Variants in LRRIQ1 observed in about 807,000 individuals in gnomAD.
LRRIQ1 encodes leucine rich repeats and IQ motif containing 1, also known as leucine-rich repeat- and IQ domain-containing protein 1.
In LRRIQ1, 210 loss-of-function variants were observed where a neutral mutation model predicts 211.9. The ratio of observed to expected loss-of-function variants is 0.99; its 90% CI spans 0.89 to 1.11. The LOEUF (loss-of-function observed/expected upper bound fraction) is 1.11, where lower values mean the gene tolerates loss of function less well. Ranked by LOEUF, LRRIQ1 falls within the 50% of genes most tolerant of loss-of-function variation. The pLI is 0.00. For missense variants in LRRIQ1, 2,136 were observed against 1,939.5 expected (o/e 1.10, Z -1.90); for synonymous variants, 699 against 650.1 (o/e 1.08, Z -1.14).
chr12:85,124,527 A>T lies in LRRIQ1; in HGVS notation c.4007+8A>T. 6.3e-7 allele frequency: 1 copy of T among 1,584,122 alleles called. No individual in the cohort carries two copies. The stretch of plus-strand genomic sequence containing the variant: ...TGAGCCTAGTGAAAAAATGTAAGAT[A>T]TATAAATAATGTTTCTTTTATAGAT... On this transcript the variant is annotated splice_region_variant and intron_variant, in intron 17 of 26. Transcript: ENST00000393217.
At chr12:85,053,024 T>G (rs976451752) in intron 7 of LRRIQ1, among the ~76,000 whole-genome samples, 7 of 151,972 alleles carry the variant, frequency 4.6e-5, no homozygotes, top group African/African-American at 1.7e-4. Flanking sequence ...CATTCTAGAG[T>G]TTAAAAAATT....
chr12:85,133,630 T>C (rs1314946665), intron 18 of LRRIQ1, among the ~76,000 whole-genome samples: 3 of 152,070 alleles, frequency 2.0e-5, no homozygotes, highest in Admixed American at 2.0e-4. Context: ...AGTGGATATG[T>C]TTCAGGGTTT....
At chr12:85,098,668 T>A in intron 12 of LRRIQ1, 120 bp downstream of exon 12, 1 of 844,918 alleles carries the variant, frequency 1.2e-6, no homozygotes, top group Non-Finnish European at 1.8e-6. Context: ...CACCATGAAG[T>A]AACCTTTATC....
At chr12:85,106,495 C>T (rs570386048) in intron 14 of LRRIQ1, 27 bp from the exon 15 acceptor site, 1 of 1,473,342 alleles carries the variant, frequency 6.8e-7, no homozygotes, top group South Asian at 1.1e-5. Context: ...GTGATGATAC[C>T]TTTCAAAATG....
intron 10 of LRRIQ1, among the ~76,000 whole-genome samples, chr12:85,072,006 G>A (rs1883135171): frequency 1.3e-5 from 2 of 151,802 alleles, no homozygotes; most frequent in Admixed American, 6.6e-5. Flanking sequence ...TAGTTTCTTG[G>A]CTTTTTCTTT....
At chr12:85,247,575 G>T (rs556424182), downstream of LRRIQ1, among the ~76,000 whole-genome samples, 1 of 151,608 alleles carries the variant, frequency 6.6e-6, no homozygotes, top group South Asian at 2.1e-4. Context: ...TAAGTTTACT[G>T]TCTGTAAAAT....
chr12:85,230,221 T>G (rs2137184291), intron 25 of LRRIQ1, among the ~76,000 whole-genome samples: 1 of 152,348 alleles, frequency 6.6e-6, no homozygotes, highest in South Asian at 2.1e-4. Context: ...TTTGTTATAT[T>G]AATGTATGTA....
In LRRIQ1 at chr12:85,138,824, C is replaced by T. The variant is rs111353845; in HGVS notation, c.4329+855C>T. Among the ~76,000 whole-genome samples the T allele has an allele frequency of 3.2e-3, 483 of 151,482 alleles. 8 individuals are homozygous for T. The highest frequency in any genetic ancestry group is 0.011 in the African/African-American group (453 of 41,400). On this transcript the variant is annotated intron_variant, in intron 19 of 26. Coordinates refer to ENST00000393217, the MANE Select transcript of LRRIQ1 (RefSeq NM_001079910.2). ...TTTCTCTTTATTTTCTTTCATCTACCTATATGACCATCATTTTTCCAAAGT... is the reference window on the plus strand; with the variant it reads ...TTTCTCTTTATTTTCTTTCATCTACTTATATGACCATCATTTTTCCAAAGT...
intron 26 of LRRIQ1, chr12:85,233,121 T>C (rs1244839590): frequency 1.4e-5 from 3 of 218,782 alleles, no homozygotes; most frequent in South Asian, 6.9e-5. Flanking sequence ...ACTCAGAAAA[T>C]CCAACCATAT....
chr12:85,170,074 C>A (rs748616922), intron 24 of LRRIQ1, among the ~76,000 whole-genome samples: 1 of 151,916 alleles, frequency 6.6e-6, no homozygotes, highest in Non-Finnish European at 1.5e-5. Context: ...CAAACTATAA[C>A]TTTTAAAACG....
chr12:85,164,609 G>A (rs1225450390), intron 24 of LRRIQ1, among the ~76,000 whole-genome samples: 2 of 152,134 alleles, frequency 1.3e-5, no homozygotes, highest in African/African-American at 4.8e-5. Context: ...GTACTGTGCT[G>A]AGAGTTTTAC....
intron 24 of LRRIQ1, among the ~76,000 whole-genome samples, chr12:85,206,034 A>T (rs1357421317): frequency 2.0e-5 from 3 of 152,138 alleles, no homozygotes; most frequent in African/African-American, 7.2e-5. Context: ...TGGCCGCAAC[A>T]CTCTGAAGGA....
At chr12:85,160,912 T>G (rs969369299) in intron 24 of LRRIQ1, among the ~76,000 whole-genome samples, 198 bp downstream of exon 24, 1 of 152,048 alleles carries the variant, frequency 6.6e-6, no homozygotes, top group Non-Finnish European at 1.5e-5. Context: ...GATATAGTCA[T>G]TGAAAATTTG....
Position 85,172,198 on chromosome 12 carries a change from C to T in LRRIQ1, c.4822+11484C>T, listed in dbSNP as rs17012616. Among the ~76,000 whole-genome samples the T allele has an allele frequency of 0.017, 2,620 of 152,170 alleles. 169 individuals are homozygous for T. The East Asian group carries it at 0.21, about 12-fold the overall frequency. ...AGTAACTTTGGTGAAGTCCATGGCA[C>T]CCCTTTGTCCCTTGCCCCTTGTAAG... On this transcript the variant is annotated intron_variant, in intron 24 of 26. Transcript: ENST00000393217.
intron 24 of LRRIQ1, among the ~76,000 whole-genome samples, chr12:85,174,009 C>T (rs560173374): frequency 1.8e-4 from 27 of 152,102 alleles, no homozygotes; most frequent in South Asian, 1.7e-3. Context: ...GTAGGGTTTG[C>T]AGTTTCCTAT....
At chr12:85,068,030 G>A (rs1038200529) in intron 10 of LRRIQ1, among the ~76,000 whole-genome samples, 2 of 151,820 alleles carry the variant, frequency 1.3e-5, no homozygotes, top group Non-Finnish European at 2.9e-5. Flanking sequence ...AATAAAAATT[G>A]TATTATTCAC....
At chr12:85,256,302 C>G (rs1345688398) in intron 1 of LRRIQ1, among the ~76,000 whole-genome samples, 1 of 151,598 alleles carries the variant, frequency 6.6e-6, no homozygotes, top group Non-Finnish European at 1.5e-5. Flanking sequence ...CATGATGTTT[C>G]TAACTGTAAT....
Position 85,122,879 on chromosome 12 carries a change from A to G in LRRIQ1, c.3557+1003A>G, listed in dbSNP as rs12318173. ...ATATACAATTTTGTATGTAAAGGTG[A>G]CTCTTCACATTCCCTTGAAGTCCAA... is the stretch of plus-strand genomic sequence containing the variant. On this transcript the variant is annotated intron_variant, in intron 16 of 26. Transcript: ENST00000393217. Among the ~76,000 whole-genome samples, 1,154 of 152,084 alleles carry G rather than the reference A, an allele frequency of 7.6e-3. 19 individuals carry two copies. The highest frequency in any genetic ancestry group is 0.026 in the African/African-American group (1,087 of 41,524).
intron 13 of LRRIQ1, 110 bp downstream of exon 13, chr12:85,099,104 C>A: frequency 1.6e-6 from 1 of 614,016 alleles, no homozygotes; most frequent in South Asian, 4.3e-5. Context: ...AATGAGATTG[C>A]ATCAAAATAA....
Sources: allele counts gnomAD v4.1 joint callset (sites outside exome capture counted in the v4.1 genomes callset), GRCh38; gene constraint gnomAD v4.1.1; transcripts MANE v1.5; gene names NCBI Gene and HGNC (gene_info 2026-07-23, HGNC 2026-07-21).